PDK3: variants seen among roughly 807,000 people sequenced by gnomAD.
The protein encoded by PDK3 is pyruvate dehydrogenase kinase, isozyme 3.
In PDK3, 12 loss-of-function variants were observed where a neutral mutation model predicts 32.0. The observed-to-expected ratio is 0.37, with a 90% confidence interval of 0.24 to 0.61. PDK3 has a LOEUF of 0.61. Ranked by LOEUF, PDK3 falls within the 20% of genes least tolerant of loss-of-function variation. The pLI is 0.65. For missense variants in PDK3, 188 were observed against 316.9 expected, an observed-to-expected ratio of 0.59 and a Z score of 3.09; for synonymous variants, 122 against 116.3, an observed-to-expected ratio of 1.05 and a Z score of -0.31.
At chrX:24,517,560 C>T (rs1031311517) in intron 5 of PDK3, among the ~76,000 whole-genome samples, 2 of 112,451 alleles carry the variant, frequency 1.8e-5, no homozygotes, top group South Asian at 3.6e-4. Flanking sequence ...AGGCACTATA[C>T]GAAGTTCTAT....
chrX:24,522,627 C>T, intron 6 of PDK3, among the ~76,000 whole-genome samples: 1 of 111,152 alleles, frequency 9.0e-6, no homozygotes. Flanking sequence ...ATAAAGGAGC[C>T]AGGCGCAATG....
intron 5 of PDK3, among the ~76,000 whole-genome samples, chrX:24,506,745 CAG>C (rs1243079610): frequency 2.8e-5 from 3 of 105,272 alleles, no homozygotes; most frequent in African/African-American, 1.0e-4. Flanking sequence ...AGTGTATTCA[CAG>C]AGTTGTGCAA....
chrX:24,531,162 T>C (rs997810166), intron 9 of PDK3, among the ~76,000 whole-genome samples: 1 of 109,906 alleles, frequency 9.1e-6, no homozygotes, highest in Non-Finnish European at 1.9e-5. Flanking sequence ...ACCTCCTGGG[T>C]TCAGGCGATT....
intron 4 of PDK3, 96 bp downstream of exon 4, chrX:24,503,607 G>C (rs1184483353): frequency 1.6e-6 from 1 of 637,740 alleles, no homozygotes; most frequent in Admixed American, 4.3e-5. Context: ...TGCATTTTTG[G>C]TTGTAGAAAT....
At chrX:24,540,843 TA>T (rs199895709) in exon 12 of PDK3, among the ~76,000 whole-genome samples, 20,392 of 70,698 alleles carry the variant, frequency 0.29, 2,476 homozygotes, top group Middle Eastern at 0.41. Context: ...ATAAAAGATG[TA>T]AAAAAAAAAA....
chrX:24,519,075 G>A (rs1406284986), intron 6 of PDK3, 65 bp downstream of exon 6: 2 of 677,683 alleles, frequency 3.0e-6, no homozygotes, highest in Non-Finnish European at 4.5e-6. Flanking sequence ...TTATACCTAA[G>A]CCATATTTCA....
chrX:24,494,701 T>C (rs1921658297), intron 1 of PDK3, 41 bp from the exon 2 acceptor site: 1 of 1,076,293 alleles, frequency 9.3e-7, no homozygotes, highest in Non-Finnish European at 1.3e-6. Flanking sequence ...TCTCCATCTG[T>C]TAGACTATAA....
At chrX:24,495,483 T>C (rs1921676877) in intron 2 of PDK3, among the ~76,000 whole-genome samples, 1 of 112,596 alleles carries the variant, frequency 8.9e-6, no homozygotes, top group African/African-American at 3.2e-5. Context: ...TCCATGCCCC[T>C]TTTCTCAGAT....
intron 7 of PDK3, 130 bp downstream of exon 7, chrX:24,526,404 T>C: frequency 2.3e-6 from 1 of 441,097 alleles, no homozygotes; most frequent in East Asian, 3.9e-5. Context: ...CTATTTCTGA[T>C]ATCCTGTGGG....
chrX:24,474,777 A>G (rs1360000876), intron 1 of PDK3, among the ~76,000 whole-genome samples: 1 of 111,564 alleles, frequency 9.0e-6, no homozygotes, highest in Non-Finnish European at 1.9e-5. Flanking sequence ...ACCAGAAAGC[A>G]GATTGCTGAT....
At chrX:24,474,532 GC>G in intron 1 of PDK3, among the ~76,000 whole-genome samples, 1 of 109,640 alleles carries the variant, frequency 9.1e-6, no homozygotes, top group Non-Finnish European at 1.9e-5. Flanking sequence ...TCGTGCCTCA[GC>G]CTCCCGAGTA....
intron 5 of PDK3, among the ~76,000 whole-genome samples, chrX:24,507,156 A>G (rs1362220687): frequency 1.8e-5 from 2 of 111,049 alleles, no homozygotes; most frequent in African/African-American, 6.5e-5. Context: ...ACCTGTTAGC[A>G]GTCACTCCCT....
intron 5 of PDK3, among the ~76,000 whole-genome samples, chrX:24,510,222 A>G (rs915524875): frequency 8.9e-6 from 1 of 112,547 alleles, no homozygotes; most frequent in African/African-American, 3.2e-5. Flanking sequence ...AAACTGATCC[A>G]CATTCAAAGG....
In PDK3 at chrX:24,548,911, A is replaced by G. The variant is rs765727660; in HGVS notation, c.*9747A>G. The G allele has an allele frequency of 1.5e-4, 17 of 111,597 alleles. No individual in the cohort carries two copies. The South Asian group carries it at 2.3e-3, about 15-fold the overall frequency. 9.2% of individuals were successfully genotyped at this position (111,597 alleles called of 1,213,427 possible). A position where few individuals can be genotyped will look rare whatever the true frequency, so the allele number is the denominator to read the frequency against. ...AAACAGGATGAGTAGAAAATGTTAT[A>G]CTGTTGTTTCTATCGTGGCACCGCT... On this transcript the variant is annotated 3_prime_UTR_variant, in exon 12 of 12. Coordinates refer to the PDK3 transcript ENST00000568479.
chrX:24,506,681 A>G (rs189538817), intron 5 of PDK3, among the ~76,000 whole-genome samples: 5 of 111,236 alleles, frequency 4.5e-5, no homozygotes, highest in Non-Finnish European at 7.5e-5. Flanking sequence ...TTATTGAGAT[A>G]CAATCTCATA....
At chrX:24,540,927 T>G (rs1309561365) in exon 12 of PDK3, among the ~76,000 whole-genome samples, 1 of 69,100 alleles carries the variant, frequency 1.4e-5, no homozygotes, top group Non-Finnish European at 2.5e-5. Flanking sequence ...TTTTTTTTTT[T>G]GAGACACAGT....
chrX:24,525,795 T>G (rs1482922021), intron 6 of PDK3, among the ~76,000 whole-genome samples: 1 of 112,579 alleles, frequency 8.9e-6, no homozygotes, highest in African/African-American at 3.2e-5. Context: ...GCCCTTTTTT[T>G]TCCTGTTGCT....
chrX:24,507,896 CAG>C (rs1413090020), intron 5 of PDK3, among the ~76,000 whole-genome samples: 1 of 111,052 alleles, frequency 9.0e-6, no homozygotes, highest in Admixed American at 9.6e-5. Flanking sequence ...AAATTATACA[CAG>C]GGAGGGGAGT....
chrX:24,502,274 T>C (rs1921876780), intron 3 of PDK3, among the ~76,000 whole-genome samples: 1 of 112,075 alleles, frequency 8.9e-6, no homozygotes, highest in South Asian at 3.7e-4. Context: ...GAAATTAGGA[T>C]GTGACTGAAA....
Sources: gnomAD v4.1 joint callset for allele counts (sites outside exome capture counted in the v4.1 genomes callset) on GRCh38, gnomAD v4.1.1 for gene constraint, MANE v1.5 for transcripts, NCBI Gene and HGNC (gene_info 2026-07-23, HGNC 2026-07-21) for gene names.